GPHN: variants seen among roughly 807,000 people sequenced by gnomAD.
GPHN encodes the protein gephyrin.
In GPHN, 17 loss-of-function variants were observed where a neutral mutation model predicts 95.5. The ratio of observed to expected loss-of-function variants is 0.18; its 90% CI spans 0.12 to 0.27. The LOEUF is 0.27. GPHN is among the 10% of genes least tolerant of loss of function. The probability of loss-of-function intolerance (pLI) is 1.00; values close to 1 mark genes in which losing one functional copy is unlikely to be tolerated. For missense variants in GPHN, 660 were observed against 978.1 expected, an observed-to-expected ratio of 0.67 and a Z score of 4.34; for synonymous variants, 320 against 322.5, an observed-to-expected ratio of 0.99 and a Z score of 0.08.
intron 9 of GPHN, among the ~76,000 whole-genome samples, chr14:66,976,526 A>G (rs2070230604): frequency 6.6e-6 from 1 of 152,174 alleles, no homozygotes; most frequent in Admixed American, 6.5e-5. Flanking sequence ...GGATCTTCAT[A>G]TCTTACAAGG....
At chr14:67,257,039 A>T in the GPHN span, among the ~76,000 whole-genome samples, 3 of 151,900 alleles carry the variant, frequency 2.0e-5, no homozygotes, top group African/African-American at 7.3e-5. Flanking sequence ...TTTTAGGGAG[A>T]CATGAGACAT....
At chr14:67,200,731 T>A in the GPHN span, among the ~76,000 whole-genome samples, 717 of 152,320 alleles carry the variant, frequency 4.7e-3, 15 homozygotes, top group Admixed American at 0.042. Context: ...TGATGTACTT[T>A]ACCTTATACA....
chr14:67,295,912 T>A, the GPHN span, among the ~76,000 whole-genome samples: 1 of 152,172 alleles, frequency 6.6e-6, no homozygotes, highest in Non-Finnish European at 1.5e-5. Flanking sequence ...AAAACAGATG[T>A]TCATAGCAAC....
the GPHN span, among the ~76,000 whole-genome samples, chr14:67,217,965 G>A: frequency 6.6e-6 from 1 of 152,114 alleles, no homozygotes; most frequent in African/African-American, 2.4e-5. Context: ...ATGGGTCTTG[G>A]GATGTCAGTT....
In GPHN at chr14:66,508,968, T is replaced by C. The variant is rs370577712; in HGVS notation, c.64+377T>C. On this transcript the variant is annotated intron_variant, in intron 1 of 22. Transcript: ENST00000478722. The stretch of plus-strand genomic sequence containing the variant: ...GCCGCTCTCGGCTGGCCTGGGCGCA[T>C]CCTCCGCTAGTGCTCTTCAGAGAGA... 1.9e-3 allele frequency: 603 copies of C among 325,624 alleles called. 9 individuals are homozygous for C. Among genetic ancestry groups the C allele is most frequent in the African/African-American group, 0.012 (560 of 45,538 alleles). The allele number at this position is 325,624 out of a possible 1,614,324, so 20.2% of individuals were successfully genotyped here.
the GPHN span, among the ~76,000 whole-genome samples, chr14:67,329,172 C>G: frequency 2.0e-5 from 3 of 152,158 alleles, no homozygotes; most frequent in African/African-American, 7.2e-5. Context: ...GTTTGTAGTT[C>G]TCCTTGAAGA....
At chr14:66,890,107 G>A (rs2064396619) in intron 5 of GPHN, among the ~76,000 whole-genome samples, 1 of 152,108 alleles carries the variant, frequency 6.6e-6, no homozygotes, top group South Asian at 2.1e-4. Flanking sequence ...GAAGGAGAAT[G>A]ACTCAGAAAT....
chr14:66,645,999 A>G (rs533342764), intron 1 of GPHN, among the ~76,000 whole-genome samples: 23 of 152,146 alleles, frequency 1.5e-4, no homozygotes, highest in Non-Finnish European at 2.8e-4. Context: ...GTCACTTCTC[A>G]TATGATTTGA....
the GPHN span, chr14:67,593,916 G>C: frequency 2.5e-6 from 4 of 1,613,324 alleles, no homozygotes; most frequent in Non-Finnish European, 3.4e-6. Context: ...AGACCTAAGA[G>C]GGTGATGAAG....
chr14:66,677,906 T>C (rs1209427293), intron 1 of GPHN, among the ~76,000 whole-genome samples: 1 of 152,198 alleles, frequency 6.6e-6, no homozygotes, highest in Non-Finnish European at 1.5e-5. Flanking sequence ...TTTAGTACTT[T>C]GCTTAAACCA....
chr14:67,589,658 G>A, the GPHN span: 2 of 989,918 alleles, frequency 2.0e-6, no homozygotes, highest in East Asian at 2.2e-4. Context: ...CAGTACTGAA[G>A]GGCTTGTTTT....
At chr14:67,175,373 A>G (rs2082871915) in intron 21 of GPHN, among the ~76,000 whole-genome samples, 1 of 152,182 alleles carries the variant, frequency 6.6e-6, no homozygotes, top group African/African-American at 2.4e-5. Flanking sequence ...GGTTTGTCAA[A>G]GATCAGATGG....
chr14:66,603,704 A>G (rs1383070861), intron 1 of GPHN, among the ~76,000 whole-genome samples: 1 of 151,970 alleles, frequency 6.6e-6, no homozygotes, highest in Non-Finnish European at 1.5e-5. Context: ...ATATATTTAA[A>G]TATTTATCTT....
Position 66,878,882 on chromosome 14 carries a change from G to A in GPHN, c.295-1057G>A, listed in dbSNP as rs139030679. On this transcript the variant is annotated intron_variant, in intron 4 of 22. Transcript: ENST00000478722. ...GTATATACCCAAAATATTATATATC[G>A]TCCTATTCTAAAGACACATGCACAC... Among the ~76,000 whole-genome samples the A allele has an allele frequency of 6.2e-3, 946 of 152,026 alleles. 10 individuals are homozygous for A. Among genetic ancestry groups the A allele is most frequent in the Middle Eastern group, 0.014 (4 of 294 alleles).
the GPHN span, among the ~76,000 whole-genome samples, chr14:67,502,320 G>C: frequency 6.6e-6 from 1 of 150,416 alleles, no homozygotes; most frequent in Non-Finnish European, 1.5e-5. Context: ...AACAGAGTGA[G>C]ACTCCATCTC....
At chr14:66,539,409 C>CTTTTTTTTTTTTTTT (rs1000117893) in intron 1 of GPHN, among the ~76,000 whole-genome samples, 1 of 101,844 alleles carries the variant, frequency 9.8e-6, no homozygotes, top group East Asian at 3.0e-4. Context: ...TTTCTACTTT[C>CTTTTTTTTTTTTTTT]TTTTTTTTTT....
the GPHN span, chr14:67,541,762 C>T: frequency 9.5e-7 from 1 of 1,055,274 alleles, no homozygotes; most frequent in Non-Finnish European, 1.3e-6. Context: ...TGGTCCCCTC[C>T]CGTTCTTTCC....
At chr14:67,365,978 G>A in the GPHN span, among the ~76,000 whole-genome samples, 5 of 152,016 alleles carry the variant, frequency 3.3e-5, no homozygotes, top group African/African-American at 4.8e-5. Flanking sequence ...CTTAGCTATA[G>A]CCCCGCCCAA....
chr14:67,720,448 T>C, the GPHN span, among the ~76,000 whole-genome samples: 1 of 152,258 alleles, frequency 6.6e-6, no homozygotes, highest in African/African-American at 2.4e-5. Flanking sequence ...CCAGTGGTTC[T>C]TCTTAATACT....
Sources: allele counts gnomAD v4.1 joint callset (sites outside exome capture counted in the v4.1 genomes callset), GRCh38; gene constraint gnomAD v4.1.1; transcripts MANE v1.5; gene names NCBI Gene and HGNC (gene_info 2026-07-23, HGNC 2026-07-21).